RNF207: variants seen among roughly 807,000 people sequenced by gnomAD.
The protein encoded by RNF207 is ring finger protein 207.
In RNF207, 72 loss-of-function variants were observed where a neutral mutation model predicts 79.0. That is an observed-to-expected ratio of 0.91 (90% CI 0.75 to 1.11). The LOEUF (loss-of-function observed/expected upper bound fraction) is 1.11, where lower values mean the gene tolerates loss of function less well. Ranked by LOEUF, RNF207 falls within the 50% of genes least tolerant of loss-of-function variation. The pLI, the probability that RNF207 is intolerant of heterozygous loss-of-function variation, is 0.00. For missense variants in RNF207, 936 were observed against 855.8 expected, an observed-to-expected ratio of 1.09 and a Z score of -1.17; for synonymous variants, 348 against 366.2, an observed-to-expected ratio of 0.95 and a Z score of 0.57.
rs1668040806 is a variant in RNF207, at chr1:6,209,106, C to T, written c.470-9C>T. On this transcript the variant is annotated splice_polypyrimidine_tract_variant and intron_variant, in intron 4 of 17. Coordinates refer to ENST00000377939, the MANE Select transcript of RNF207 (RefSeq NM_207396.3). ...CCGGAGCCCTCACCACCGCCCGCCG[C>T]CCCCGCAGCGCTGCACGCAGAGCCC... 1 of 1,550,958 alleles carries T rather than the reference C, an allele frequency of 6.4e-7. No individual in the cohort carries two copies. Among genetic ancestry groups the T allele is most frequent in the African/African-American group, 1.4e-5 (1 of 73,132 alleles).
chr1:6,219,163 C>G, intron 17 of RNF207, 73 bp from the exon 18 acceptor site: 1 of 1,409,734 alleles, frequency 7.1e-7, no homozygotes, highest in Non-Finnish European at 9.6e-7. Flanking sequence ...GTGCTTTGGC[C>G]CAAGTGGATT....
In RNF207 at chr1:6,206,258, G is replaced by A; in HGVS notation, c.-45G>A. ...GCACTAAGAGCGCTGGACGGCGGGAGAGAGGCTCGGAGGACCGGTAGCTCC... is the reference window on the plus strand; with the variant it reads ...GCACTAAGAGCGCTGGACGGCGGGAAAGAGGCTCGGAGGACCGGTAGCTCC... On this transcript the variant is annotated 5_prime_UTR_variant, in exon 1 of 18. Coordinates refer to ENST00000377939, the MANE Select transcript of RNF207 (RefSeq NM_207396.3). The A allele has an allele frequency of 1.2e-5, 5 of 409,204 alleles. No homozygotes were observed. In the South Asian group the frequency reaches 2.2e-4, roughly 18 times the overall value. 25.3% of individuals were successfully genotyped at this position (409,204 alleles called of 1,614,324 possible).
At chr1:6,209,640 C>A in intron 7 of RNF207, 101 bp downstream of exon 7, 1 of 1,325,148 alleles carries the variant, frequency 7.5e-7, no homozygotes, top group Non-Finnish European at 9.9e-7. Flanking sequence ...GGGCAGCAGG[C>A]CTTGCACCAA....
intron 15 of RNF207, 26 bp from the exon 16 acceptor site, chr1:6,213,040 C>G (rs1360779683): frequency 1.4e-6 from 2 of 1,462,516 alleles, no homozygotes; most frequent in African/African-American, 2.8e-5. Context: ...GGATTAAGAC[C>G]CCATGCTCTG....
rs984698004 is a variant in RNF207, at chr1:6,210,892, G to A, written c.965G>A (p.Gly322Asp). Residue 322 changes from glycine (G) to aspartate (D), a missense_variant, in exon 11 of 18, where the codon GGC becomes GAC. By Grantham distance (94) the Gly-to-Asp change is moderately conservative. Coordinates refer to ENST00000377939, the MANE Select transcript of RNF207 (RefSeq NM_207396.3). ...CAGGAGCTGATGGAGAGGCTGCAGG[G>A]CATCGTCACGCGGCCGCACCACCTA... ...LGYELMERLQGIVTRPHHLRP... is the reference protein window; with the variant it reads ...LGYELMERLQDIVTRPHHLRP... 1 of 1,604,114 alleles carries A rather than the reference G, an allele frequency of 6.2e-7. No individual in the cohort carries two copies. Among genetic ancestry groups the A allele is most frequent in the Non-Finnish European group, 8.5e-7 (1 of 1,176,544 alleles).
chr1:6,206,569 C>T lies in RNF207; in HGVS notation c.34C>T (p.Pro12Ser). The change falls in exon 2 of 18, where the codon CCG becomes TCG. Residue 12 changes from proline to serine, a missense_variant. Pro to Ser is a moderately conservative substitution (Grantham distance 74). Transcript: ENST00000377939. ...AGCTATCTTCGGGCCCCTGGAGGGC[C>T]CGAGCTCCCTGGATGCCCCGAGCAT... ...SGAIFGPLEG[P>S]SSLDAPSIHP... The T allele has an allele frequency of 6.3e-7, 1 of 1,598,120 alleles. No individual in the cohort carries two copies. The highest frequency in any genetic ancestry group is 8.5e-7 in the Non-Finnish European group (1 of 1,178,300).
chr1:6,218,417 G>C (rs1276029094), intron 17 of RNF207, 48 bp downstream of exon 17: 2 of 1,376,230 alleles, frequency 1.5e-6, no homozygotes, highest in Admixed American at 3.5e-5. Flanking sequence ...TGTGGCTTCT[G>C]AGGCCAACAG....
In RNF207 at chr1:6,210,296, G is replaced by T. The variant is rs754362484; in HGVS notation, c.873+1G>T. On this transcript the variant is annotated splice_donor_variant, in intron 9 of 17. Transcript: ENST00000377939. LOFTEE classifies it high-confidence loss of function. ...GGCCACCTTGCTGCCCACCCTGCAG[G>T]TACAGGGAGCTCGGGGTGCGGGTGG... The T allele has an allele frequency of 2.5e-6, 4 of 1,613,620 alleles. No individual in the cohort carries two copies. Among genetic ancestry groups the T allele is most frequent in the Non-Finnish European group, 3.4e-6 (4 of 1,179,740 alleles).
chr1:6,215,333 T>C (rs927799848), intron 16 of RNF207, among the ~76,000 whole-genome samples: 52 of 128,184 alleles, frequency 4.1e-4, no homozygotes, highest in African/African-American at 1.2e-3. Flanking sequence ...CGGCCCCCCT[T>C]TTTTTTTTTT....
At chr1:6,206,463 G>A (rs1667903663) in intron 1 of RNF207, 73 bp from the exon 2 acceptor site, 1 of 1,216,990 alleles carries the variant, frequency 8.2e-7, no homozygotes, top group Non-Finnish European at 1.1e-6. Flanking sequence ...GCGGGCGCCC[G>A]GGCAGAGGGG....
chr1:6,212,435 C>T lies in RNF207; in HGVS notation c.1482+19C>T, dbSNP rs1668215219. The T allele has an allele frequency of 1.3e-6, 2 of 1,592,482 alleles. No individual in the cohort carries two copies. Among genetic ancestry groups the T allele is most frequent in the East Asian group, 4.5e-5 (2 of 44,774 alleles). On this transcript the variant is annotated intron_variant, in intron 14 of 17. Coordinates refer to ENST00000377939, the MANE Select transcript of RNF207 (RefSeq NM_207396.3). The stretch of plus-strand genomic sequence containing the variant: ...CCAGGAGGTAGCCCTCCCAAGGACT[C>T]TAACTCCAGCCCCACCTGTCAGGGG...
intron 16 of RNF207, among the ~76,000 whole-genome samples, chr1:6,216,609 GGAGTGCAGTGGCGTGATC>G (rs1668369111): frequency 6.7e-6 from 1 of 148,946 alleles, no homozygotes; most frequent in Admixed American, 6.7e-5. Flanking sequence ...CGCCCAAACT[GGAGTGCAGTGGCGTGATC>G]TCGGCTCACT....
Position 6,207,234 on chromosome 1 carries a change from G to GT in RNF207, c.192-144dup, listed in dbSNP as rs1179108015. The GT allele has an allele frequency of 1.3e-6, 1 of 789,864 alleles. No individual in the cohort carries two copies. The highest frequency in any genetic ancestry group is 1.7e-5 in the African/African-American group (1 of 57,710). 48.9% of individuals were successfully genotyped at this position (789,864 alleles called of 1,614,324 possible). A position where few individuals can be genotyped will look rare whatever the true frequency, so the allele number is the denominator to read the frequency against. On this transcript the variant is annotated intron_variant, in intron 2 of 17. Coordinates refer to ENST00000377939, the MANE Select transcript of RNF207 (RefSeq NM_207396.3). The surrounding 1 kb of genome is among the most constrained non-coding windows in gnomAD (Gnocchi z 4.5). ...GACCAGGGCAGGGTGAGTGCTGGCT[G>GT]TGATATTTATAGCAGACCCCAGAGC...
intron 13 of RNF207, 22 bp from the exon 14 acceptor site, chr1:6,212,209 C>T (rs1221491232): frequency 1.9e-6 from 3 of 1,603,666 alleles, no homozygotes; most frequent in Admixed American, 1.7e-5. Flanking sequence ...GACCCACGCT[C>T]TCACACAGCC....
rs564553797 is a variant in RNF207, at chr1:6,218,401, A to G, written c.1733+32A>G. 4.0e-5 allele frequency: 61 copies of G among 1,514,482 alleles called. No homozygotes were observed. The South Asian group carries it at 6.4e-4, about 16-fold the overall frequency. The allele number at this position is 1,514,482 out of a possible 1,614,324, so 93.8% of individuals were successfully genotyped here. On this transcript the variant is annotated intron_variant, in intron 17 of 17. Coordinates refer to ENST00000377939, the MANE Select transcript of RNF207 (RefSeq NM_207396.3). ...CAAGTCTCTCCACTGGAGAGTGTGC[A>G]CGCGATGTGGCTTCTGAGGCCAACA...
chr1:6,208,687 T>A, intron 3 of RNF207, 194 bp from the exon 4 acceptor site: 1 of 534,086 alleles, frequency 1.9e-6, no homozygotes, highest in Non-Finnish European at 3.2e-6. Context: ...TTACCCAGCC[T>A]CTGAGCCGCA....
chr1:6,209,850 G>A (rs1434614438), intron 7 of RNF207, 74 bp from the exon 8 acceptor site: 5 of 1,483,092 alleles, frequency 3.4e-6, no homozygotes, highest in Non-Finnish European at 4.5e-6. Flanking sequence ...GGTGGCTGGG[G>A]TCCGGGGGGT....
chr1:6,209,506 G>C lies in RNF207; in HGVS notation c.720G>C (p.Glu240Asp). Reference sequence around the variant, plus strand: ...TGCGGCACAGCGCCGCCGAGGAGGAGGACGCTATCCACGCCCTCTTCGGCA... The same window carrying C: ...TGCGGCACAGCGCCGCCGAGGAGGACGACGCTATCCACGCCCTCTTCGGCA... Reference protein sequence around the residue: ...EEVRHSAAEEEDAIHALFGSM... With the variant: ...EEVRHSAAEEDDAIHALFGSM... Residue 240 changes from glutamate to aspartate, a missense_variant, in exon 7 of 18, where the codon GAG becomes GAC. By Grantham distance (45) the Glu-to-Asp change is conservative. Coordinates refer to ENST00000377939, the MANE Select transcript of RNF207 (RefSeq NM_207396.3). 6.8e-7 allele frequency: 1 copy of C among 1,476,936 alleles called. No individual in the cohort carries two copies. Among genetic ancestry groups the C allele is most frequent in the Middle Eastern group, 1.8e-4 (1 of 5,412 alleles). The allele number at this position is 1,476,936 out of a possible 1,614,324, so 91.5% of individuals were successfully genotyped here. A position where few individuals can be genotyped will look rare whatever the true frequency, so the allele number is the denominator to read the frequency against.
intron 7 of RNF207, 147 bp downstream of exon 7, chr1:6,209,686 G>A: frequency 8.9e-7 from 1 of 1,122,582 alleles, no homozygotes; most frequent in Non-Finnish European, 1.2e-6. Flanking sequence ...GCTGGGAGGG[G>A]AAACCAGGGC....
Sources: allele counts gnomAD v4.1 joint callset (sites outside exome capture counted in the v4.1 genomes callset), GRCh38; gene constraint gnomAD v4.1.1; non-coding constraint Gnocchi (gnomAD v3.1); transcripts MANE v1.5; gene names NCBI Gene and HGNC (gene_info 2026-07-23, HGNC 2026-07-21).